MAST4: variants seen among roughly 807,000 people sequenced by gnomAD.
The protein encoded by MAST4 is microtubule-associated serine/threonine-protein kinase 4.
In MAST4, 89 loss-of-function variants were observed where a neutral mutation model predicts 162.7. The observed-to-expected ratio is 0.55, with a 90% CI of 0.46 to 0.65. The LOEUF is 0.65. MAST4 is among the 30% of genes least tolerant of loss of function. The pLI is 0.00. For synonymous variants in MAST4, 1,479 were observed against 1,361.1 expected (o/e 1.09, Z -1.91); for missense variants, 3,153 against 3,374.0 (o/e 0.93, Z 1.62).
At chr5:66,749,652 TGCCAA>T (rs975708989) in intron 1 of MAST4, among the ~76,000 whole-genome samples, 93 of 152,366 alleles carry the variant, frequency 6.1e-4, no homozygotes, top group African/African-American at 2.0e-3. Flanking sequence ...ACTTCCTTTG[TGCCAA>T]GCACTGTCTT....
At chr5:66,669,614 A>T (rs1421329461) in intron 1 of MAST4, among the ~76,000 whole-genome samples, 1 of 152,140 alleles carries the variant, frequency 6.6e-6, no homozygotes, top group Non-Finnish European at 1.5e-5. Context: ...TGGGCTGGGA[A>T]GTTGGACAGG....
chr5:66,913,754 A>G (rs988324504), intron 4 of MAST4, among the ~76,000 whole-genome samples: 2 of 152,190 alleles, frequency 1.3e-5, no homozygotes, highest in Non-Finnish European at 2.9e-5. Context: ...TTCTTCCAGA[A>G]GTTTTGTAGT....
At chr5:66,938,195 A>G (rs1371361962) in intron 4 of MAST4, among the ~76,000 whole-genome samples, 2 of 152,160 alleles carry the variant, frequency 1.3e-5, no homozygotes, top group East Asian at 1.9e-4. Flanking sequence ...AGCATTACAT[A>G]ATGATTATGG....
At chr5:67,073,821 A>C (rs1761262831) in intron 5 of MAST4, among the ~76,000 whole-genome samples, 2 of 152,204 alleles carry the variant, frequency 1.3e-5, no homozygotes, top group African/African-American at 4.8e-5. Context: ...TATATACTAA[A>C]ATGATTCATA....
At chr5:66,947,422 C>T (rs1165390036) in intron 4 of MAST4, among the ~76,000 whole-genome samples, 1 of 152,156 alleles carries the variant, frequency 6.6e-6, no homozygotes, top group Non-Finnish European at 1.5e-5. Flanking sequence ...TTATAAAGCA[C>T]ATCAAGTTTC....
At chr5:66,750,435 G>A (rs1008154812) in intron 1 of MAST4, among the ~76,000 whole-genome samples, 1 of 152,208 alleles carries the variant, frequency 6.6e-6, no homozygotes, top group African/African-American at 2.4e-5. Flanking sequence ...GTCAGTGGGT[G>A]CGTGCACCGT....
At chr5:66,984,410 G>A (rs1749230855) in intron 4 of MAST4, among the ~76,000 whole-genome samples, 1 of 152,196 alleles carries the variant, frequency 6.6e-6, no homozygotes, top group African/African-American at 2.4e-5. Flanking sequence ...TTGGAGTAAG[G>A]AGATTGGGCT....
chr5:67,028,720 G>A lies in MAST4; in HGVS notation c.675-25684G>A, dbSNP rs1170594374. 3.3e-5 allele frequency among the ~76,000 whole-genome samples: 5 copies of A among 152,290 alleles called. No individual in the cohort carries two copies. The East Asian group carries it at 7.7e-4, about 23-fold the overall frequency. On this transcript the variant is annotated intron_variant, in intron 4 of 28. Coordinates refer to ENST00000403625, the MANE Select transcript of MAST4 (RefSeq NM_001164664.2). ...ACAGAAGCAAGACACGTTGGATGAA[G>A]ATGATATCTTCAGTTTGGGATTCAT...
At chr5:66,661,198 A>C (rs1746887073) in intron 1 of MAST4, among the ~76,000 whole-genome samples, 1 of 152,240 alleles carries the variant, frequency 6.6e-6, no homozygotes, top group African/African-American at 2.4e-5. Context: ...TGAGGTGGGC[A>C]GTCCACAGCT....
At chr5:67,109,289 T>C (rs1765941655) in intron 10 of MAST4, among the ~76,000 whole-genome samples, 2 of 152,150 alleles carry the variant, frequency 1.3e-5, no homozygotes, top group Non-Finnish European at 2.9e-5. Flanking sequence ...ATGAAACTTT[T>C]AAAGCACCAA....
chr5:67,029,622 T>TA (rs1223793084), intron 4 of MAST4, among the ~76,000 whole-genome samples: 1 of 152,104 alleles, frequency 6.6e-6, no homozygotes, highest in Non-Finnish European at 1.5e-5. Context: ...GGCAAGGTGA[T>TA]GGTGTGTTTT....
chr5:67,162,393 A>T (rs1050195522), intron 27 of MAST4, among the ~76,000 whole-genome samples: 7 of 152,190 alleles, frequency 4.6e-5, no homozygotes, highest in Non-Finnish European at 1.0e-4. Context: ...AGTGTTTGGA[A>T]TTGAGAGAGG....
At chr5:66,668,388 A>G (rs1448781107) in intron 1 of MAST4, among the ~76,000 whole-genome samples, 2 of 152,146 alleles carry the variant, frequency 1.3e-5, no homozygotes, top group African/African-American at 4.8e-5. Flanking sequence ...TTGAAACTTA[A>G]TCTCCAGGCT....
chr5:66,644,906 T>C (rs1466153538), intron 1 of MAST4, among the ~76,000 whole-genome samples: 1 of 152,000 alleles, frequency 6.6e-6, no homozygotes, highest in African/African-American at 2.4e-5. Context: ...CAAGGGGTAA[T>C]ACCCTGATGA....
chr5:67,055,741 G>C (rs115193267), intron 5 of MAST4, among the ~76,000 whole-genome samples: 3,287 of 152,220 alleles, frequency 0.022, 51 homozygotes, highest in African/African-American at 0.042. Flanking sequence ...ACAAGTTCTA[G>C]ACCACTCATA....
chr5:67,005,157 T>C (rs998266958), intron 4 of MAST4: 4 of 718,012 alleles, frequency 5.6e-6, no homozygotes, highest in Admixed American at 2.0e-5. Flanking sequence ...CGGAGCTGCC[T>C]GAGCCCCTCA....
Position 67,165,080 on chromosome 5 carries a change from G to A in MAST4, c.5901G>A (p.Lys1967=). 1 of 1,597,764 alleles carries A rather than the reference G, an allele frequency of 6.3e-7. No homozygotes were observed. The highest frequency in any genetic ancestry group is 8.5e-7 in the Non-Finnish European group (1 of 1,172,120). ...CTGAAGCTTCCCCCTCAAGGGAGAAGCCAGGCCTGAGGGAATCGTCTGAAA... is the reference window on the plus strand; with the variant it reads ...CTGAAGCTTCCCCCTCAAGGGAGAAACCAGGCCTGAGGGAATCGTCTGAAA... The part of the protein sequence containing the change: ...LPPEASPSRE[K]PGLRESSERG... The change falls in exon 29 of 29, where the codon AAG becomes AAA. Residue 1967 remains lysine, a synonymous_variant. Transcript: ENST00000403625.
intron 3 of MAST4, among the ~76,000 whole-genome samples, chr5:66,862,867 A>G (rs1369308210): frequency 6.6e-6 from 1 of 152,204 alleles, no homozygotes; most frequent in African/African-American, 2.4e-5. Flanking sequence ...CTGGCCCTGT[A>G]TGTACCACCA....
At chr5:66,848,996 T>G (rs1280354242) in intron 3 of MAST4, among the ~76,000 whole-genome samples, 1 of 152,236 alleles carries the variant, frequency 6.6e-6, no homozygotes, top group Non-Finnish European at 1.5e-5. Context: ...GATGGAATTT[T>G]GTCCAGGGTC....
Sources: allele counts gnomAD v4.1 joint callset (sites outside exome capture counted in the v4.1 genomes callset), GRCh38; gene constraint gnomAD v4.1.1; transcripts MANE v1.5; gene names NCBI Gene and HGNC (gene_info 2026-07-23, HGNC 2026-07-21).